MVB12B: variants seen among roughly 807,000 people sequenced by gnomAD.
MVB12B encodes the protein multivesicular body subunit 12B.
In MVB12B, 16 loss-of-function variants were observed where a neutral mutation model predicts 41.6. The ratio of observed to expected loss-of-function variants is 0.38; its 90% CI spans 0.26 to 0.58. The LOEUF (loss-of-function observed/expected upper bound fraction) is 0.58. Among genes scored for constraint, MVB12B ranks in the 20% least tolerant of loss-of-function variants. The probability of loss-of-function intolerance (pLI) is 0.62; values close to 1 mark genes in which losing one functional copy is unlikely to be tolerated. For synonymous variants in MVB12B, 133 were observed against 139.7 expected (o/e 0.95, Z 0.34); for missense variants, 274 against 380.2 (o/e 0.72, Z 2.32).
chr9:126,442,777 G>C (rs1588176482), intron 7 of MVB12B, among the ~76,000 whole-genome samples: 1 of 152,134 alleles, frequency 6.6e-6, no homozygotes, highest in Admixed American at 6.5e-5. Flanking sequence ...TGGTGGCAAG[G>C]CCTACAGCCG....
intron 2 of MVB12B, among the ~76,000 whole-genome samples, chr9:126,365,552 G>T (rs1296428530): frequency 6.6e-6 from 1 of 151,908 alleles, no homozygotes; most frequent in African/African-American, 2.4e-5. Context: ...TGTTGGCCAG[G>T]CTGGTCTCAA....
chr9:126,423,151 G>A (rs1345552745), intron 7 of MVB12B, among the ~76,000 whole-genome samples: 2 of 152,256 alleles, frequency 1.3e-5, no homozygotes, highest in Non-Finnish European at 2.9e-5. Context: ...GCATAGAGGT[G>A]CAGAACAGGC....
At chr9:126,445,653 G>T (rs1360205188) in intron 7 of MVB12B, among the ~76,000 whole-genome samples, 1 of 151,978 alleles carries the variant, frequency 6.6e-6, no homozygotes, top group Non-Finnish European at 1.5e-5. Context: ...ATTTAATATT[G>T]TTGGGTCTTT....
chr9:126,342,320 T>G (rs1829467225), intron 2 of MVB12B, among the ~76,000 whole-genome samples: 1 of 152,184 alleles, frequency 6.6e-6, no homozygotes, highest in African/African-American at 2.4e-5. Context: ...TTTGTTGATC[T>G]GTATCTTTAG....
rs1833617899 is a variant in MVB12B, at chr9:126,486,291, G to A, written c.873+2259G>A. Among the ~76,000 whole-genome samples the A allele has an allele frequency of 6.6e-6, 1 of 152,180 alleles. No individual in the cohort carries two copies. The highest frequency in any genetic ancestry group is 6.5e-5 in the Admixed American group (1 of 15,284). ...TTCTCAAAGCAGGGGAGCTGTGGGT[G>A]GCTGTGAAGTCCACCTGCTTATGGA... is the stretch of plus-strand genomic sequence containing the variant. On this transcript the variant is annotated intron_variant, in intron 9 of 9. Transcript: ENST00000361171. The surrounding 1 kb of genome is among the most constrained non-coding windows in gnomAD (Gnocchi z 4.7).
intron 7 of MVB12B, among the ~76,000 whole-genome samples, chr9:126,470,487 CACCCTGG>C (rs1833287951): frequency 6.6e-6 from 1 of 152,174 alleles, no homozygotes. Context: ...CCCAGCACTG[CACCCTGG>C]ACCCTGGAGG....
Position 126,506,733 on chromosome 9 carries a change from C to T in MVB12B, c.*3470C>T, listed in dbSNP as rs1834080761. ...GCCTGCCTTGCCCCTGGAGGCCACG[C>T]CAGGCGCTCACCCCTGAGCCCACAG... On this transcript the variant is annotated 3_prime_UTR_variant, in exon 10 of 10. Transcript: ENST00000361171. 2 of 152,358 alleles carry T rather than the reference C, an allele frequency of 1.3e-5. No individual in the cohort carries two copies. Among genetic ancestry groups the T allele is most frequent in the South Asian group, 2.1e-4 (1 of 4,826 alleles). The allele number at this position is 152,358 out of a possible 1,614,324, so 9.4% of individuals were successfully genotyped here.
chr9:126,451,954 G>A (rs753361582), intron 7 of MVB12B, among the ~76,000 whole-genome samples: 5 of 152,140 alleles, frequency 3.3e-5, no homozygotes, highest in African/African-American at 9.7e-5. Context: ...GGAATGCCGC[G>A]GGCTTGGTGG....
intron 5 of MVB12B, among the ~76,000 whole-genome samples, chr9:126,394,332 C>A (rs900914694): frequency 1.3e-5 from 2 of 152,106 alleles, no homozygotes; most frequent in African/African-American, 4.8e-5. Flanking sequence ...AAAAAGATTC[C>A]ATTTTTAACC....
intron 1 of MVB12B, among the ~76,000 whole-genome samples, chr9:126,338,396 C>A (rs1829346703): frequency 6.6e-6 from 1 of 152,238 alleles, no homozygotes; most frequent in African/African-American, 2.4e-5. Context: ...AGAGCGGACT[C>A]CAGGCAGAGG....
intron 2 of MVB12B, among the ~76,000 whole-genome samples, chr9:126,362,523 G>A (rs1830055606): frequency 6.6e-6 from 1 of 152,150 alleles, no homozygotes; most frequent in Non-Finnish European, 1.5e-5. Flanking sequence ...ACTGCCATGT[G>A]TGACTGAAAT....
intron 7 of MVB12B, among the ~76,000 whole-genome samples, chr9:126,456,375 G>C (rs901813463): frequency 6.6e-6 from 1 of 152,056 alleles, no homozygotes; most frequent in African/African-American, 2.4e-5. Context: ...TAGAACTAAT[G>C]GTTCTATAAA....
At chr9:126,398,203 G>A (rs1186749767) in intron 6 of MVB12B, among the ~76,000 whole-genome samples, 1 of 151,882 alleles carries the variant, frequency 6.6e-6, no homozygotes, top group Non-Finnish European at 1.5e-5. Context: ...GTCTTCTTCT[G>A]TGAGCGCTTC....
rs1830780103 is a variant in MVB12B at position 126,386,028 on chromosome 9, C to T, written c.313-534C>T. Reference sequence around the variant, plus strand: ...TTTTAGAAGATGTGTAATATTGAGGCAGCAGGGCTTTCACTCTGTATTAGT... The same window carrying T: ...TTTTAGAAGATGTGTAATATTGAGGTAGCAGGGCTTTCACTCTGTATTAGT... On this transcript the variant is annotated intron_variant, in intron 3 of 9. Transcript: ENST00000361171. The surrounding 1 kb of genome is among the most constrained non-coding windows in gnomAD (Gnocchi z 4.3). 6.6e-6 allele frequency among the ~76,000 whole-genome samples: 1 copy of T among 152,200 alleles called. No homozygotes were observed. The highest frequency in any genetic ancestry group is 1.9e-4 in the East Asian group (1 of 5,194).
In MVB12B at chr9:126,403,210, C is replaced by A. The variant is rs532909493; in HGVS notation, c.662+7513C>A. Among the ~76,000 whole-genome samples the A allele has an allele frequency of 6.8e-4, 103 of 152,354 alleles. 1 individual carries two copies. The highest frequency in any genetic ancestry group is 2.7e-3 in the Admixed American group (42 of 15,312). On this transcript the variant is annotated intron_variant, in intron 6 of 9. Transcript: ENST00000361171. ...TGGCTTCCTGTTATCCGACCGCCCC[C>A]CACACATCCTCTTACATTAATTAGG...
chr9:126,371,977 A>G (rs1830353382), intron 2 of MVB12B, among the ~76,000 whole-genome samples: 1 of 152,094 alleles, frequency 6.6e-6, no homozygotes, highest in African/African-American at 2.4e-5. Flanking sequence ...ACTGCCACCT[A>G]ATTTTGAACA....
chr9:126,453,032 T>A (rs776078918), intron 7 of MVB12B, among the ~76,000 whole-genome samples: 1 of 151,944 alleles, frequency 6.6e-6, no homozygotes, highest in Non-Finnish European at 1.5e-5. Context: ...CCCCTCACCT[T>A]CTTTGAGCTT....
At chr9:126,498,210 C>G (rs1833878111) in intron 9 of MVB12B, among the ~76,000 whole-genome samples, 1 of 152,200 alleles carries the variant, frequency 6.6e-6, no homozygotes, top group South Asian at 2.1e-4. Context: ...GAGCCTGTAT[C>G]ATAGCCGAGG....
chr9:126,331,539 G>C (rs1241644378), intron 1 of MVB12B, among the ~76,000 whole-genome samples: 1 of 152,136 alleles, frequency 6.6e-6, no homozygotes, highest in African/African-American at 2.4e-5. Context: ...TACATGATTT[G>C]CAAATATTTC....
Sources: allele counts gnomAD v4.1 joint callset (sites outside exome capture counted in the v4.1 genomes callset), GRCh38; gene constraint gnomAD v4.1.1; non-coding constraint Gnocchi (gnomAD v3.1); transcripts MANE v1.5; gene names NCBI Gene and HGNC (gene_info 2026-07-23, HGNC 2026-07-21).